The following AQR variants were observed in gnomAD, a reference collection of about 807,000 sequenced individuals.
AQR encodes the protein aquarius intron-binding spliceosomal factor.
A neutral mutation model predicts 180.5 loss-of-function variants in AQR; 61 were observed. The observed-to-expected ratio is 0.34, with a 90% CI of 0.28 to 0.42. AQR has a LOEUF of 0.42. AQR is among the 10% of genes least tolerant of loss of function. The pLI is 1.00. For missense variants in AQR, 1,281 were observed against 1,798.3 expected (o/e 0.71, Z 5.20); for synonymous variants, 551 against 588.8 (o/e 0.94, Z 0.93).
intron 27 of AQR, among the ~76,000 whole-genome samples, chr15:34,876,880 A>C (rs1370164938): frequency 2.6e-5 from 4 of 152,118 alleles, no homozygotes; most frequent in Non-Finnish European, 5.9e-5. Context: ...CTTCACTTTT[A>C]GTCTAGTTGG....
intron 30 of AQR, 44 bp from the exon 31 acceptor site, chr15:34,870,966 T>C: frequency 1.3e-6 from 2 of 1,574,544 alleles, no homozygotes. Flanking sequence ...TTTGCTTTTG[T>C]TTCAATTTTA....
intron 31 of AQR, chr15:34,869,060 T>C (rs1197936171): frequency 6.6e-6 from 1 of 152,174 alleles, no homozygotes; most frequent in East Asian, 1.9e-4. Flanking sequence ...TATAAGAAAC[T>C]GTCAAACTTT....
intron 11 of AQR, among the ~76,000 whole-genome samples, chr15:34,931,306 T>A (rs1245041474): frequency 1.3e-5 from 2 of 152,132 alleles, no homozygotes; most frequent in Non-Finnish European, 2.9e-5. Context: ...CCCAAATCTT[T>A]ATTATTTTTA....
chr15:34,943,309 G>T (rs1330485313), intron 6 of AQR: 1 of 1,531,356 alleles, frequency 6.5e-7, no homozygotes, highest in Non-Finnish European at 9.0e-7. Context: ...CCCAACTGCA[G>T]ATCTAAGAGA....
rs2050333527 is a variant in AQR, at chr15:34,969,660, G to A, written c.-47C>T. The stretch of plus-strand genomic sequence containing the variant: ...CCAGTGGAAACTAAAGGACCGCTCT[G>A]GGCAGCGGCAACCCTGGTCCACTTC... On this transcript the variant is annotated 5_prime_UTR_variant, in exon 1 of 35. Transcript: ENST00000156471. 1 of 1,590,462 alleles carries A rather than the reference G, an allele frequency of 6.3e-7. No homozygotes were observed. The highest frequency in any genetic ancestry group is 2.2e-5 in the East Asian group (1 of 44,516).
In AQR at chr15:34,948,381, C is replaced by T. The variant is rs765287367; in HGVS notation, c.213G>A (p.Gln71=). Residue 71 remains glutamine, a synonymous_variant, in exon 5 of 35, where the codon CAG becomes CAA. Coordinates refer to ENST00000156471, the MANE Select transcript of AQR (RefSeq NM_014691.3). ...IRKIMLLEFS[Q]YLENYLWMNY... ...TCATCCAGAGATAATTTTCAAGATA[C>T]TGGCTGTAAAGAGTAAAAAGCATAG... 4.3e-6 allele frequency: 7 copies of T among 1,611,866 alleles called. No individual in the cohort carries two copies. Among genetic ancestry groups the T allele is most frequent in the Non-Finnish European group, 5.9e-6 (7 of 1,179,812 alleles).
Position 34,852,165 on chromosome 15 carries a change from C to T in AQR, c.*4627G>A, listed in dbSNP as rs1372267349. 6.7e-6 allele frequency: 1 copy of T among 150,270 alleles called. No individual in the cohort carries two copies. The highest frequency in any genetic ancestry group is 2.5e-5 in the African/African-American group (1 of 40,030). The allele number at this position is 150,270 out of a possible 1,614,324, so 9.3% of individuals were successfully genotyped here. A position where few individuals can be genotyped will look rare whatever the true frequency, so the allele number is the denominator to read the frequency against. ...TATTGGTTCCCAAGGAAATAGCTAC[C>T]TAAGTTATGTTTTTTTTTTTTTTTT... On this transcript the variant is annotated 3_prime_UTR_variant, in exon 35 of 35. Transcript: ENST00000156471.
chr15:34,884,835 G>GA (rs545790576), intron 25 of AQR, 101 bp from the exon 26 acceptor site: 788 of 796,416 alleles, frequency 9.9e-4, no homozygotes, highest in South Asian at 1.8e-3. Context: ...AGGTGAAAAA[G>GA]AAAAAAAAAG....
rs1892546661 is a variant in AQR at position 34,853,693 on chromosome 15, AAC to A, written c.*3097_*3098del. 2 of 152,346 alleles carry A rather than the reference AAC, an allele frequency of 1.3e-5. No homozygotes were observed. Among genetic ancestry groups the A allele is most frequent in the South Asian group, 4.1e-4 (2 of 4,830 alleles). 9.4% of individuals were successfully genotyped at this position (152,346 alleles called of 1,614,324 possible). ...CATTGTCAACAAAGCTTTGAAGAAAAACAGAGACAGAAACTGGTATTTACTAA... is the reference window on the plus strand; with the variant it reads ...CATTGTCAACAAAGCTTTGAAGAAAAAGAGACAGAAACTGGTATTTACTAA... On this transcript the variant is annotated 3_prime_UTR_variant, in exon 35 of 35. Transcript: ENST00000156471.
chr15:34,887,822 G>C (rs1318254842), intron 24 of AQR, among the ~76,000 whole-genome samples: 1 of 152,144 alleles, frequency 6.6e-6, no homozygotes, highest in African/African-American at 2.4e-5. Flanking sequence ...TCTAAAACAT[G>C]ATCTATGCTT....
At chr15:34,966,869 CTTTTTTTTT>C (rs148912380) in intron 1 of AQR, among the ~76,000 whole-genome samples, 2 of 67,034 alleles carry the variant, frequency 3.0e-5, no homozygotes, top group African/African-American at 1.2e-4. Context: ...CCACCCTGGC[CTTTTTTTTT>C]TTTTTTTTTT....
At chr15:34,930,955 G>T (rs1309131911) in intron 11 of AQR, among the ~76,000 whole-genome samples, 1 of 150,868 alleles carries the variant, frequency 6.6e-6, no homozygotes, top group Non-Finnish European at 1.5e-5. Context: ...TCCTGCCTCA[G>T]CCTCCGGAGT....
chr15:34,908,430 C>T (rs987615376), intron 17 of AQR, among the ~76,000 whole-genome samples: 2 of 150,866 alleles, frequency 1.3e-5, no homozygotes, highest in East Asian at 1.9e-4. Context: ...AGTGAGACTC[C>T]GTCTAAAAAA....
chr15:34,913,774 A>C (rs1250092888), intron 16 of AQR, among the ~76,000 whole-genome samples: 1 of 152,210 alleles, frequency 6.6e-6, no homozygotes, highest in African/African-American at 2.4e-5. Flanking sequence ...TTTTCTGATC[A>C]AGCACTCCCC....
chr15:34,919,277 T>G (rs1595797193), intron 14 of AQR, among the ~76,000 whole-genome samples: 1 of 151,452 alleles, frequency 6.6e-6, no homozygotes, highest in African/African-American at 2.4e-5. Context: ...AAAATAAGTG[T>G]TTATCTAATA....
intron 23 of AQR, among the ~76,000 whole-genome samples, chr15:34,892,511 C>T (rs1893165333): frequency 6.6e-6 from 1 of 152,150 alleles, no homozygotes. Flanking sequence ...CACATTGACC[C>T]TCTCCAGTAG....
At chr15:34,950,643 A>G (rs1005295740) in intron 4 of AQR, among the ~76,000 whole-genome samples, 3 of 151,598 alleles carry the variant, frequency 2.0e-5, no homozygotes, top group Admixed American at 6.6e-5. Flanking sequence ...TAATGACTTG[A>G]CAGTGTGTAT....
chr15:34,965,537 G>GGT (rs2050306017), intron 1 of AQR, among the ~76,000 whole-genome samples: 2 of 152,154 alleles, frequency 1.3e-5, no homozygotes, highest in Admixed American at 1.3e-4. Context: ...CAGGCTTGGT[G>GGT]GTGTGCACCT....
intron 34 of AQR, among the ~76,000 whole-genome samples, 187 bp downstream of exon 34, chr15:34,859,855 C>A (rs571140953): frequency 2.0e-5 from 3 of 152,088 alleles, no homozygotes; most frequent in African/African-American, 7.2e-5. Flanking sequence ...AGTTTGTGGA[C>A]TTTATTGTAT....
Sources: allele counts gnomAD v4.1 joint callset (sites outside exome capture counted in the v4.1 genomes callset), GRCh38; gene constraint gnomAD v4.1.1; transcripts MANE v1.5; gene names NCBI Gene and HGNC (gene_info 2026-07-23, HGNC 2026-07-21).